RANGAP1: variants seen among roughly 807,000 people sequenced by gnomAD.
RANGAP1 encodes the protein ran GTPase-activating protein 1.
A neutral mutation model predicts 63.5 loss-of-function variants in RANGAP1; 38 were observed. The observed-to-expected ratio is 0.60, with a 90% CI of 0.46 to 0.78. The LOEUF is 0.78. Ranked by LOEUF, RANGAP1 falls within the 30% of genes least tolerant of loss-of-function variation. The pLI is 0.00. For synonymous variants in RANGAP1, 329 were observed against 310.5 expected (o/e 1.06, Z -0.63); for missense variants, 630 against 740.3 (o/e 0.85, Z 1.73).
chr22:41,246,345 TG>T lies in RANGAP1; in HGVS notation c.*257del. 1 of 370,866 alleles carries T rather than the reference TG, an allele frequency of 2.7e-6. No individual in the cohort carries two copies. Among genetic ancestry groups the T allele is most frequent in the Non-Finnish European group, 5.0e-6 (1 of 201,550 alleles). The allele number at this position is 370,866 out of a possible 1,614,324, so 23.0% of individuals were successfully genotyped here. A position where few individuals can be genotyped will look rare whatever the true frequency, so the allele number is the denominator to read the frequency against. On this transcript the variant is annotated 3_prime_UTR_variant, in exon 16 of 16. Transcript: ENST00000356244. The stretch of plus-strand genomic sequence containing the variant: ...CGGAGCAGCTCACAGCCCTTTCCCC[TG>T]GGGGCCAACTCCCCACAACAGAGCA...
At chr22:41,294,700 T>A in the RANGAP1 span, among the ~76,000 whole-genome samples, 1 of 125,440 alleles carries the variant, frequency 8.0e-6, no homozygotes, top group African/African-American at 3.1e-5. Context: ...ACCTCTGCCC[T>A]GCCACCCCGT....
the RANGAP1 span, among the ~76,000 whole-genome samples, chr22:41,300,046 C>T: frequency 6.6e-6 from 1 of 151,020 alleles, no homozygotes; most frequent in African/African-American, 2.4e-5. Flanking sequence ...CTACCGCGCC[C>T]GGCCTCCTCC....
intron 12 of RANGAP1, among the ~76,000 whole-genome samples, chr22:41,252,423 C>T (rs528582746): frequency 6.6e-6 from 1 of 152,208 alleles, no homozygotes; most frequent in Admixed American, 6.5e-5. Context: ...AAAATGGATG[C>T]CCCGAAGATC....
In RANGAP1 at chr22:41,246,293, G is replaced by A. The variant is rs1316892521; in HGVS notation, c.*310C>T. The A allele has an allele frequency of 3.3e-5, 8 of 244,856 alleles. No individual in the cohort carries two copies. Among genetic ancestry groups the A allele is most frequent in the Non-Finnish European group, 5.6e-5 (7 of 125,094 alleles). 15.2% of individuals were successfully genotyped at this position (244,856 alleles called of 1,614,324 possible). A position where few individuals can be genotyped will look rare whatever the true frequency, so the allele number is the denominator to read the frequency against. On this transcript the variant is annotated 3_prime_UTR_variant, in exon 16 of 16. Transcript: ENST00000356244. ...GGGCCCAGGCGGAGATCAGCAGAGC[G>A]CCCTCAGGTGGAGGTGAGTTTAATG...
chr22:41,256,903 G>A (rs1389180895), intron 7 of RANGAP1, 79 bp from the exon 8 acceptor site: 18 of 1,060,840 alleles, frequency 1.7e-5, no homozygotes, highest in African/African-American at 1.6e-5. Context: ...GGCCCCACAC[G>A]GTCACATCCC....
chr22:41,260,474 G>A lies in RANGAP1; in HGVS notation c.615+972C>T, dbSNP rs568512921. ...AGCAGGCAAAGGGTATCTACAGACAGCCTCGATGGGCAGCCAGGACATTCC... is the reference window on the plus strand; with the variant it reads ...AGCAGGCAAAGGGTATCTACAGACAACCTCGATGGGCAGCCAGGACATTCC... On this transcript the variant is annotated intron_variant, in intron 6 of 15. Transcript: ENST00000356244. Among the ~76,000 whole-genome samples the A allele has an allele frequency of 2.0e-5, 3 of 152,358 alleles. No individual in the cohort carries two copies. The East Asian group carries it at 5.8e-4, about 29-fold the overall frequency.
chr22:41,291,549 G>C, the RANGAP1 span, among the ~76,000 whole-genome samples: 4 of 140,322 alleles, frequency 2.9e-5, no homozygotes, highest in Admixed American at 3.1e-4. Context: ...AGTGAGCCGA[G>C]ATCACGCCAC....
Position 41,251,006 on chromosome 22 carries a change from C to G in RANGAP1, c.1483+1G>C, listed in dbSNP as rs1228237116. ...CCCAGGTCTCACCCAGCCCACATTA[C>G]CTACTGCATCCTGCACTGCCATCCT... On this transcript the variant is annotated splice_donor_variant, in intron 13 of 15. Coordinates refer to ENST00000356244, the MANE Select transcript of RANGAP1 (RefSeq NM_002883.4). LOFTEE classifies it high-confidence loss of function. 6.2e-7 allele frequency: 1 copy of G among 1,613,792 alleles called. No homozygotes were observed. Among genetic ancestry groups the G allele is most frequent in the East Asian group, 2.2e-5 (1 of 44,872 alleles).
At chr22:41,277,171 G>A (rs1352181219) in intron 2 of RANGAP1, among the ~76,000 whole-genome samples, 115 of 136,416 alleles carry the variant, frequency 8.4e-4, no homozygotes, top group African/African-American at 3.0e-3. Context: ...TCCGCCTCCC[G>A]GGTTCACGCC....
Position 41,264,772 on chromosome 22 carries a change from G to A in RANGAP1, c.372C>T (p.Phe124=), listed in dbSNP as rs147006137. The A allele has an allele frequency of 6.1e-5, 98 of 1,613,974 alleles. No homozygotes were observed. The highest frequency in any genetic ancestry group is 7.5e-5 in the Non-Finnish European group (89 of 1,179,928). Reference sequence around the variant, plus strand: ...CGAAGCCTTGCACACCGTCGGGCCCGAATGCGTTGTCGCTTAAGTCCAGCT... The same window carrying A: ...CGAAGCCTTGCACACCGTCGGGCCCAAATGCGTTGTCGCTTAAGTCCAGCT... ...LVELDLSDNA[F]GPDGVQGFEA... is the part of the protein sequence containing the mutation. The change falls in exon 5 of 16, where the codon TTC becomes TTT. Residue 124 remains phenylalanine (F), a synonymous_variant. Coordinates refer to ENST00000356244, the MANE Select transcript of RANGAP1 (RefSeq NM_002883.4).
intron 6 of RANGAP1, among the ~76,000 whole-genome samples, chr22:41,260,408 G>T (rs1463877096): frequency 6.6e-6 from 1 of 152,192 alleles, no homozygotes; most frequent in Non-Finnish European, 1.5e-5. Flanking sequence ...GGGGTGCAGG[G>T]AGACACAAGG....
chr22:41,267,778 C>T (rs971325547), intron 4 of RANGAP1, among the ~76,000 whole-genome samples: 5 of 152,062 alleles, frequency 3.3e-5, no homozygotes, highest in East Asian at 1.9e-4. Flanking sequence ...CCAGGAAAGG[C>T]GGGGCAATCA....
the RANGAP1 span, among the ~76,000 whole-genome samples, chr22:41,295,277 G>T: frequency 6.6e-6 from 1 of 151,882 alleles, no homozygotes; most frequent in Non-Finnish European, 1.5e-5. Context: ...GTGGGGAAAA[G>T]ATTGAGAAAT....
At chr22:41,293,053 G>A in the RANGAP1 span, among the ~76,000 whole-genome samples, 1 of 151,940 alleles carries the variant, frequency 6.6e-6, no homozygotes, top group African/African-American at 2.4e-5. Flanking sequence ...GGCTAACATG[G>A]TGAAACCCCG....
intron 6 of RANGAP1, among the ~76,000 whole-genome samples, chr22:41,259,591 T>C (rs2034043874): frequency 6.6e-6 from 1 of 152,214 alleles, no homozygotes; most frequent in Admixed American, 6.5e-5. Flanking sequence ...GGGTCCACTA[T>C]TACTGTAATT....
In RANGAP1 at chr22:41,249,464, C is replaced by T. The variant is rs369951380; in HGVS notation, c.1573-13G>A. The T allele has an allele frequency of 1.5e-5, 24 of 1,610,468 alleles. No homozygotes were observed. Among genetic ancestry groups the T allele is most frequent in the African/African-American group, 4.1e-5 (3 of 73,316 alleles). On this transcript the variant is annotated splice_polypyrimidine_tract_variant and intron_variant, in intron 14 of 15. Transcript: ENST00000356244. Reference sequence around the variant, plus strand: ...CCTTGTCTTCACTCTGAGAGGAACACAGCGAAAAGCGGGGTGAGCTTCAAA... The same window carrying T: ...CCTTGTCTTCACTCTGAGAGGAACATAGCGAAAAGCGGGGTGAGCTTCAAA...
chr22:41,288,853 C>T (rs538796470), upstream of RANGAP1, among the ~76,000 whole-genome samples: 26 of 150,968 alleles, frequency 1.7e-4, no homozygotes, highest in African/African-American at 6.1e-4. Context: ...ACATTCGAAG[C>T]TAAAAATCAC....
At chr22:41,266,992 T>G (rs2034520052) in intron 4 of RANGAP1, among the ~76,000 whole-genome samples, 1 of 150,794 alleles carries the variant, frequency 6.6e-6, no homozygotes, top group Non-Finnish European at 1.5e-5. Flanking sequence ...GCAATTCTCC[T>G]GCCTCAGCCT....
intron 3 of RANGAP1, among the ~76,000 whole-genome samples, chr22:41,273,742 G>A (rs894067560): frequency 1.6e-5 from 2 of 128,692 alleles, no homozygotes; most frequent in Non-Finnish European, 1.6e-5. Context: ...ACACCAGCCC[G>A]GGTGACAGTG....
Sources: gnomAD v4.1 joint callset for allele counts (sites outside exome capture counted in the v4.1 genomes callset) on GRCh38, gnomAD v4.1.1 for gene constraint, MANE v1.5 for transcripts, NCBI Gene and HGNC (gene_info 2026-07-23, HGNC 2026-07-21) for gene names.